Variants in ABCA4 observed in about 807,000 individuals in gnomAD.
ABCA4 encodes retinal-specific phospholipid-transporting ATPase ABCA4.
ABCA4 carries 196 observed loss-of-function variants against 263.7 expected under a neutral mutation model. The ratio of observed to expected loss-of-function variants is 0.74; its 90% CI spans 0.66 to 0.84. The LOEUF (loss-of-function observed/expected upper bound fraction) is 0.84, where lower values mean the gene tolerates loss of function less well. ABCA4 is among the 40% of genes least tolerant of loss of function. ABCA4 has a pLI of 0.00. For synonymous variants in ABCA4, 1,133 were observed against 1,094.2 expected, an observed-to-expected ratio of 1.04 and a Z score of -0.70; for missense variants, 2,792 against 2,855.1, an observed-to-expected ratio of 0.98 and a Z score of 0.50.
At chr1:94,095,291 C>A (rs147780637) in intron 6 of ABCA4, among the ~76,000 whole-genome samples, 415 of 151,716 alleles carry the variant, frequency 2.7e-3, no homozygotes, top group African/African-American at 9.4e-3. Context: ...CCAGCGCCCC[C>A]CTCCGATTCT....
intron 31 of ABCA4, 81 bp from the exon 32 acceptor site, chr1:94,023,499 G>A: frequency 2.4e-6 from 3 of 1,237,348 alleles, no homozygotes; most frequent in African/African-American, 1.5e-5. Flanking sequence ...CATTCATTTT[G>A]AAGACTGAAG....
chr1:94,071,499 C>A (rs1027637336), intron 11 of ABCA4, among the ~76,000 whole-genome samples: 1 of 152,200 alleles, frequency 6.6e-6, no homozygotes, highest in Non-Finnish European at 1.5e-5. Context: ...CAGAGCCAGG[C>A]AGCTCTGGAT....
At chr1:94,023,085 G>A (rs367578516) in intron 32 of ABCA4, among the ~76,000 whole-genome samples, 1 of 152,166 alleles carries the variant, frequency 6.6e-6, no homozygotes. Flanking sequence ...CCTCTTGTTG[G>A]AGTATTATAA....
At chr1:93,998,531 A>T (rs1255991168) in intron 47 of ABCA4, among the ~76,000 whole-genome samples, 1 of 152,016 alleles carries the variant, frequency 6.6e-6, no homozygotes, top group Non-Finnish European at 1.5e-5. Context: ...ACAAAAAAAG[A>T]AATACTGGGG....
chr1:94,086,394 A>G (rs1299285961), intron 6 of ABCA4, among the ~76,000 whole-genome samples: 1 of 152,194 alleles, frequency 6.6e-6, no homozygotes, highest in African/African-American at 2.4e-5. Context: ...TCTTGAAGTC[A>G]AATTCCCCTA....
Position 94,108,663 on chromosome 1 carries a change from C to A in ABCA4, c.356G>T (p.Ser119Ile). 6.2e-7 allele frequency: 1 copy of A among 1,614,022 alleles called. No individual in the cohort carries two copies. Among genetic ancestry groups the A allele is most frequent in the East Asian group, 2.2e-5 (1 of 44,886 alleles). Residue 119 changes from serine to isoleucine, a missense_variant, in exon 4 of 50, where the codon AGC (serine) becomes ATC (isoleucine). Transcript: ENST00000370225. ...FQELLMNAPE[S>I]QHLGRIWTEL... ...TGTCCAAATACGGCCAAGGTGCTGG[C>A]TCTCTGGTGCATTCATGAGGAGTTC...
At chr1:94,091,877 G>A (rs879687181) in intron 6 of ABCA4, among the ~76,000 whole-genome samples, 6 of 152,176 alleles carry the variant, frequency 3.9e-5, no homozygotes, top group Non-Finnish European at 7.3e-5. Flanking sequence ...GCCCTAAGAG[G>A]TCTCTGCTTG....
intron 24 of ABCA4, among the ~76,000 whole-genome samples, chr1:94,039,397 T>C (rs759590271): frequency 3.9e-5 from 6 of 152,258 alleles, no homozygotes; most frequent in Non-Finnish European, 8.8e-5. Flanking sequence ...TCCCCATTCA[T>C]TAACCTGCAT....
Position 94,080,570 on chromosome 1 carries a change from G to C in ABCA4, c.1007C>G (p.Ser336Cys), listed in dbSNP as rs61748547. Residue 336 changes from serine (S) to cysteine (C), a missense_variant, in exon 8 of 50, where the codon TCC becomes TGC. Coordinates refer to ENST00000370225, the MANE Select transcript of ABCA4 (RefSeq NM_000350.3). ...GTTATTGTCTTCATACCAGTTGAAG[G>C]AGAGCACCCGAGAGCCACCTCCCTC... ...YPEGGGSRVLSFNWYEDNNYK... is the reference protein window; with the variant it reads ...YPEGGGSRVLCFNWYEDNNYK... 3.1e-6 allele frequency: 5 copies of C among 1,614,118 alleles called. No homozygotes were observed. The highest frequency in any genetic ancestry group is 2.5e-6 in the Non-Finnish European group (3 of 1,180,034).
chr1:94,004,561 T>G (rs1286151377), intron 44 of ABCA4, among the ~76,000 whole-genome samples: 1 of 152,164 alleles, frequency 6.6e-6, no homozygotes, highest in Non-Finnish European at 1.5e-5. Flanking sequence ...GTTAGCTCTA[T>G]CCCCCTTTTG....
At chr1:94,043,903 T>G (rs1355978345) in intron 20 of ABCA4, among the ~76,000 whole-genome samples, 2 of 152,202 alleles carry the variant, frequency 1.3e-5, no homozygotes, top group Non-Finnish European at 2.9e-5. Context: ...ATACCAATGT[T>G]ATAACTCAGC....
intron 11 of ABCA4, among the ~76,000 whole-genome samples, chr1:94,068,275 T>C (rs544990912): frequency 4.6e-4 from 70 of 152,298 alleles, no homozygotes; most frequent in African/African-American, 1.6e-3. Flanking sequence ...AGGAAGGCCT[T>C]ATAAAGCTAA....
At position 94,066,964 on chromosome 1, in the gene ABCA4, C is replaced by T. The variant is rs558263961; in HGVS notation, c.1555-3647G>A. Among the ~76,000 whole-genome samples, 16 of 152,282 alleles carry T rather than the reference C, an allele frequency of 1.1e-4. No homozygotes were observed. In the South Asian group the frequency reaches 1.2e-3, roughly 12 times the overall value. On this transcript the variant is annotated intron_variant, in intron 11 of 49. Transcript: ENST00000370225. Reference sequence around the variant, plus strand: ...ATTAATTTAAATTTAAATAGCCCTGCGTGGCTGCTGGTTACTGTATTGGCC... The same window carrying T: ...ATTAATTTAAATTTAAATAGCCCTGTGTGGCTGCTGGTTACTGTATTGGCC...
intron 4 of ABCA4, among the ~76,000 whole-genome samples, chr1:94,107,381 G>C (rs966823574): frequency 6.6e-6 from 1 of 152,096 alleles, no homozygotes; most frequent in Non-Finnish European, 1.5e-5. Context: ...ACTTCCTCAC[G>C]ACCACTCTTT....
chr1:94,099,278 G>A (rs1662225900), intron 5 of ABCA4, among the ~76,000 whole-genome samples: 1 of 152,210 alleles, frequency 6.6e-6, no homozygotes, highest in African/African-American at 2.4e-5. Flanking sequence ...TGGCCTTGGA[G>A]ATGGAAGCAG....
chr1:94,048,365 G>GATT (rs1660743669), intron 18 of ABCA4, among the ~76,000 whole-genome samples: 1 of 152,220 alleles, frequency 6.6e-6, no homozygotes, highest in South Asian at 2.1e-4. Flanking sequence ...TCAGTTTAGG[G>GATT]ATTATTAGGT....
At chr1:94,021,613 A>C in intron 34 of ABCA4, 27 bp downstream of exon 34, 1 of 1,590,924 alleles carries the variant, frequency 6.3e-7, no homozygotes, top group Non-Finnish European at 8.6e-7. Flanking sequence ...TTTTAGCTCC[A>C]GAGCAGATTA....
rs761105591 is a variant in ABCA4 at position 94,063,176 on chromosome 1, G to T, written c.1696C>A (p.His566Asn). The change falls in exon 12 of 50, where the codon CAC (histidine) becomes AAC (asparagine). Residue 566 changes from histidine to asparagine, a missense_variant. Transcript: ENST00000370225. ...MYPWTSSLPPHVKYKIRMDID... is the reference protein window; with the variant it reads ...MYPWTSSLPPNVKYKIRMDID... ...TCCATTCGGATCTTATACTTCACGT[G>T]GGGTGGTAGAGAGCTGGTCCAGGGA... The T allele has an allele frequency of 6.2e-7, 1 of 1,614,102 alleles. No homozygotes were observed. The highest frequency in any genetic ancestry group is 1.7e-5 in the Admixed American group (1 of 60,022).
At chr1:94,103,320 T>C (rs973506049) in intron 4 of ABCA4, among the ~76,000 whole-genome samples, 178 bp from the exon 5 acceptor site, 5 of 152,112 alleles carry the variant, frequency 3.3e-5, no homozygotes, top group Non-Finnish European at 7.4e-5. Context: ...CCCAACACAT[T>C]GACTGCTGAA....
Sources: gnomAD v4.1 joint callset for allele counts (sites outside exome capture counted in the v4.1 genomes callset) on GRCh38, gnomAD v4.1.1 for gene constraint, MANE v1.5 for transcripts, NCBI Gene and HGNC (gene_info 2026-07-23, HGNC 2026-07-21) for gene names.